DIS3: variants seen among roughly 807,000 people sequenced by gnomAD.
The protein encoded by DIS3 is exosome complex exonuclease RRP44.
In DIS3, 103 loss-of-function variants were observed where a neutral mutation model predicts 113.0. That is an observed-to-expected ratio of 0.91 (90% CI 0.78 to 1.07). The LOEUF is 1.07. DIS3 is among the 50% of genes least tolerant of loss of function. DIS3 has a pLI of 0.00. For synonymous variants in DIS3, 402 were observed against 394.3 expected, an observed-to-expected ratio of 1.02 and a Z score of -0.23; for missense variants, 1,121 against 1,167.1, an observed-to-expected ratio of 0.96 and a Z score of 0.58.
chr13:72,775,327 T>A lies in DIS3; in HGVS notation c.871A>T (p.Ile291Phe). The A allele has an allele frequency of 1.2e-6, 2 of 1,613,678 alleles. No individual in the cohort carries two copies. Among genetic ancestry groups the A allele is most frequent in the Non-Finnish European group, 1.7e-6 (2 of 1,179,704 alleles). ...KHLNRAVHEDIVAVELLPKSQ... is the reference protein window; with the variant it reads ...KHLNRAVHEDFVAVELLPKSQ... ...TTGGGGAGAAGCTCCACAGCCACAATATCTTCGTGAACAGCTCTGTTTAAA... is the reference window on the plus strand; with the variant it reads ...TTGGGGAGAAGCTCCACAGCCACAAAATCTTCGTGAACAGCTCTGTTTAAA... Residue 291 changes from isoleucine to phenylalanine, a missense_variant, in exon 6 of 21, where the codon ATT becomes TTT. Physicochemically the swap from Ile to Phe is conservative, Grantham distance 21. This residue lies in a region of DIS3 where 861 missense variants were observed against 915.5 expected (regional missense o/e 0.94). Transcript: ENST00000377767.
chr13:72,772,591 G>T, intron 9 of DIS3, 102 bp downstream of exon 9: 1 of 1,231,466 alleles, frequency 8.1e-7, no homozygotes, highest in Non-Finnish European at 1.1e-6. Context: ...CAGGAAAAGA[G>T]GGCCCGTGGT....
In DIS3 at chr13:72,753,580, A is replaced by G; in HGVS notation, c.*6215T>C. The G allele has an allele frequency of 8.8e-7, 1 of 1,132,344 alleles. No individual in the cohort carries two copies. The highest frequency in any genetic ancestry group is 1.3e-6 in the Non-Finnish European group (1 of 796,906). 70.1% of individuals were successfully genotyped at this position (1,132,344 alleles called of 1,614,324 possible). A position where few individuals can be genotyped will look rare whatever the true frequency, so the allele number is the denominator to read the frequency against. On this transcript the variant is annotated 3_prime_UTR_variant, in exon 21 of 21. Transcript: ENST00000377767. ...TTTTGTTCAACATGATCAATATTAC[A>G]TGTTAGGATCATTCAGATGTAGTGA...
chr13:72,769,411 A>G (rs189269235), intron 13 of DIS3, among the ~76,000 whole-genome samples: 1 of 152,156 alleles, frequency 6.6e-6, no homozygotes, highest in African/African-American at 2.4e-5. Context: ...AAAGAGTTAA[A>G]GTAATCCCCA....
chr13:72,774,590 C>T (rs150525095), intron 6 of DIS3, among the ~76,000 whole-genome samples: 1 of 152,040 alleles, frequency 6.6e-6, no homozygotes, highest in African/African-American at 2.4e-5. Context: ...CCTGGACTCT[C>T]CATGGATAAT....
At chr13:72,771,616 C>T (rs1239423865) in intron 11 of DIS3, among the ~76,000 whole-genome samples, 179 bp downstream of exon 11, 1 of 152,166 alleles carries the variant, frequency 6.6e-6, no homozygotes, top group Non-Finnish European at 1.5e-5. Context: ...TAAGTTTAAT[C>T]TTCCCCTTGA....
In DIS3 at chr13:72,761,540, CTTAT is replaced by C. The variant is rs764457649; in HGVS notation, c.2512-23_2512-20del. 7.8e-6 allele frequency: 12 copies of C among 1,548,114 alleles called. No individual in the cohort carries two copies. Among genetic ancestry groups the C allele is most frequent in the African/African-American group, 5.6e-5 (4 of 71,828 alleles). ...AGAATAACTGTAAAATAACATACAA[CTTAT>C]TTAAATTGTCTTAAAAATTTTTAAA... On this transcript the variant is annotated intron_variant, in intron 18 of 20. Coordinates refer to ENST00000377767, the MANE Select transcript of DIS3 (RefSeq NM_014953.5).
rs1033998427 is a variant in DIS3 at position 72,768,781 on chromosome 13, A to T, written c.1883+4T>A. The T allele has an allele frequency of 3.8e-6, 6 of 1,590,610 alleles. No individual in the cohort carries two copies. The African/African-American group carries it at 6.8e-5, about 18-fold the overall frequency. Reference sequence around the variant, plus strand: ...ATCTTAATACTATGAAAAACAAAATATACCCTTTTTCAATCCTTCTTTTCT... The same window carrying T: ...ATCTTAATACTATGAAAAACAAAATTTACCCTTTTTCAATCCTTCTTTTCT... On this transcript the variant is annotated splice_donor_region_variant and intron_variant, in intron 14 of 20. Transcript: ENST00000377767.
In DIS3 at chr13:72,760,191, T is replaced by A. The variant is rs566344410; in HGVS notation, c.2794-313A>T. On this transcript the variant is annotated intron_variant, in intron 20 of 20. Transcript: ENST00000377767. ...AGAATCAGAGTTGATTTCAAGTGTG[T>A]TGGGGAAGGACAAAAGTTAAGAACC... Among the ~76,000 whole-genome samples, 3 of 152,210 alleles carry A rather than the reference T, an allele frequency of 2.0e-5. No homozygotes were observed. In the South Asian group the frequency reaches 6.2e-4, roughly 32 times the overall value.
chr13:72,780,824 T>G, intron 2 of DIS3, 22 bp downstream of exon 2: 3 of 1,572,614 alleles, frequency 1.9e-6, no homozygotes, highest in South Asian at 1.2e-5. Flanking sequence ...TTTTCTGATA[T>G]TTAACGTAAT....
At chr13:72,778,489 T>C in intron 2 of DIS3, 109 bp from the exon 3 acceptor site, 1 of 785,454 alleles carries the variant, frequency 1.3e-6, no homozygotes, top group Non-Finnish European at 1.9e-6. Context: ...GTCAATGGTA[T>C]ATCTTTTCTC....
In DIS3 at chr13:72,756,098, AG is replaced by A; in HGVS notation, c.*3696del. ...TGTTGGGAGTAGATGGGTATATAAC[AG>A]TTTGGAAATACTATCTTTGGAGAAT... On this transcript the variant is annotated 3_prime_UTR_variant, in exon 21 of 21. Coordinates refer to ENST00000377767, the MANE Select transcript of DIS3 (RefSeq NM_014953.5). The A allele has an allele frequency of 2.5e-6, 1 of 397,168 alleles. No homozygotes were observed. Among genetic ancestry groups the A allele is most frequent in the Non-Finnish European group, 4.4e-6 (1 of 225,552 alleles). 24.6% of individuals were successfully genotyped at this position (397,168 alleles called of 1,614,324 possible). A position where few individuals can be genotyped will look rare whatever the true frequency, so the allele number is the denominator to read the frequency against.
chr13:72,765,915 G>A, intron 15 of DIS3, 57 bp downstream of exon 15: 1 of 1,231,780 alleles, frequency 8.1e-7, no homozygotes, highest in South Asian at 1.4e-5. Context: ...ACTTACAGTA[G>A]ACATGACAAT....
At chr13:72,767,931 C>T (rs542458030) in intron 14 of DIS3, among the ~76,000 whole-genome samples, 25 of 152,274 alleles carry the variant, frequency 1.6e-4, no homozygotes, top group African/African-American at 6.0e-4. Context: ...TCAAATTTCT[C>T]TTAACTGGTT....
In DIS3 at chr13:72,752,284, T is replaced by TGA. The variant is rs199923214; in HGVS notation, c.*7509_*7510dup. The TGA allele has an allele frequency of 7.7e-3, 1,169 of 152,326 alleles. 15 individuals carry two copies. Among genetic ancestry groups the TGA allele is most frequent in the Middle Eastern group, 0.014 (4 of 294 alleles). 9.4% of individuals were successfully genotyped at this position (152,326 alleles called of 1,614,324 possible). On this transcript the variant is annotated 3_prime_UTR_variant, in exon 21 of 21. Transcript: ENST00000377767. ...CCCCTCATCCTTCTTAGCTATAAAGTGAGATTGATGCCTGCCTTGATGCCT... is the reference window on the plus strand; with the variant it reads ...CCCCTCATCCTTCTTAGCTATAAAGTGAGAGATTGATGCCTGCCTTGATGCCT...
Position 72,753,394 on chromosome 13 carries a change from C to CTAGG in DIS3, c.*6397_*6400dup. On this transcript the variant is annotated 3_prime_UTR_variant, in exon 21 of 21. Coordinates refer to ENST00000377767, the MANE Select transcript of DIS3 (RefSeq NM_014953.5). ...TAGTTGTAATACTCATTTTTGTCTA[C>CTAGG]TAGGTACGATCACAAAATAACAGGA... is the stretch of plus-strand genomic sequence containing the variant. 1 of 217,488 alleles carries CTAGG rather than the reference C, an allele frequency of 4.6e-6. No individual in the cohort carries two copies. Among genetic ancestry groups the CTAGG allele is most frequent in the East Asian group, 1.1e-4 (1 of 9,416 alleles). The allele number at this position is 217,488 out of a possible 1,614,324, so 13.5% of individuals were successfully genotyped here.
chr13:72,772,390 T>C (rs2033907163), intron 9 of DIS3, 115 bp from the exon 10 acceptor site: 2 of 823,394 alleles, frequency 2.4e-6, no homozygotes, highest in Non-Finnish European at 3.7e-6. Flanking sequence ...CTGTATTTTC[T>C]TGATGACAAC....
Position 72,759,619 on chromosome 13 carries a change from A to ATAG in DIS3, c.*173_*175dup. 1.8e-6 allele frequency: 1 copy of ATAG among 563,660 alleles called. No individual in the cohort carries two copies. The highest frequency in any genetic ancestry group is 3.2e-6 in the Non-Finnish European group (1 of 317,162). 34.9% of individuals were successfully genotyped at this position (563,660 alleles called of 1,614,324 possible). A position where few individuals can be genotyped will look rare whatever the true frequency, so the allele number is the denominator to read the frequency against. On this transcript the variant is annotated 3_prime_UTR_variant, in exon 21 of 21. Coordinates refer to ENST00000377767, the MANE Select transcript of DIS3 (RefSeq NM_014953.5). The stretch of plus-strand genomic sequence containing the variant: ...AAATAATTCTGTTCAACCCAGAAGT[A>ATAG]TAGTAGTATGATGGGTCAGATACAG...
chr13:72,778,761 T>C (rs896863678), intron 2 of DIS3, among the ~76,000 whole-genome samples: 1 of 152,186 alleles, frequency 6.6e-6, no homozygotes, highest in African/African-American at 2.4e-5. Context: ...TGTAGGTTAA[T>C]AGCAATTCCT....
chr13:72,761,019 G>A (rs772134507), intron 19 of DIS3, among the ~76,000 whole-genome samples: 1 of 152,078 alleles, frequency 6.6e-6, no homozygotes, highest in Non-Finnish European at 1.5e-5. Context: ...TAGGGAGTAT[G>A]TGTGTCAAAT....
Sources: allele counts gnomAD v4.1 joint callset (sites outside exome capture counted in the v4.1 genomes callset), GRCh38; gene constraint gnomAD v4.1.1; regional missense constraint gnomAD v4.1.1; transcripts MANE v1.5; gene names NCBI Gene and HGNC (gene_info 2026-07-23, HGNC 2026-07-21).